CSMD1: variants seen among roughly 807,000 people sequenced by gnomAD.
The protein encoded by CSMD1 is CUB and Sushi multiple domains 1.
Under a neutral mutation model 417.5 loss-of-function variants are expected in CSMD1, and 213 were observed. The ratio of observed to expected loss-of-function variants is 0.51; its 90% CI spans 0.46 to 0.57. CSMD1 has a LOEUF of 0.57. Ranked by LOEUF, CSMD1 falls within the 20% of genes least tolerant of loss-of-function variation. CSMD1 has a pLI of 0.00. For synonymous variants in CSMD1, 2,862 were observed against 1,736.8 expected (o/e 1.65, Z -16.11); for missense variants, 6,923 against 4,529.7 (o/e 1.53, Z -15.17).
At chr8:3,429,489 T>C (rs1814073946) in intron 12 of CSMD1, among the ~76,000 whole-genome samples, 1 of 152,130 alleles carries the variant, frequency 6.6e-6, no homozygotes, top group African/African-American at 2.4e-5. Flanking sequence ...CCTTCATTCT[T>C]AAACGCCCCT....
intron 5 of CSMD1, among the ~76,000 whole-genome samples, chr8:3,939,084 C>A (rs1418697777): frequency 2.0e-5 from 3 of 152,000 alleles, no homozygotes; most frequent in South Asian, 2.1e-4. Flanking sequence ...AATAAATCTC[C>A]TAAGATGCAT....
At chr8:4,188,936 G>A (rs1031120642) in intron 3 of CSMD1, among the ~76,000 whole-genome samples, 1 of 152,128 alleles carries the variant, frequency 6.6e-6, no homozygotes, top group Non-Finnish European at 1.5e-5. Context: ...TCCCTCCATG[G>A]TTTACTCAGA....
At chr8:3,588,955 A>G (rs768184382) in intron 8 of CSMD1, among the ~76,000 whole-genome samples, 2 of 152,192 alleles carry the variant, frequency 1.3e-5, no homozygotes, top group Middle Eastern at 3.4e-3. Flanking sequence ...AGACATAAAA[A>G]CGACCAACAG....
intron 23 of CSMD1, among the ~76,000 whole-genome samples, chr8:3,334,506 G>T (rs1023842066): frequency 6.6e-6 from 1 of 152,038 alleles, no homozygotes; most frequent in Non-Finnish European, 1.5e-5. Flanking sequence ...ATTTAATGTT[G>T]ATGTCATTTT....
At chr8:3,092,684 G>C (rs1815023753) in intron 47 of CSMD1, among the ~76,000 whole-genome samples, 1 of 152,198 alleles carries the variant, frequency 6.6e-6, no homozygotes, top group Non-Finnish European at 1.5e-5. Flanking sequence ...GTATAGGTAA[G>C]AAAAGAAAGC....
At chr8:3,803,586 G>A (rs539669406) in intron 5 of CSMD1, among the ~76,000 whole-genome samples, 66 of 152,314 alleles carry the variant, frequency 4.3e-4, no homozygotes, top group South Asian at 2.5e-3. Flanking sequence ...GGTTCATGAA[G>A]GAGAACAAAG....
chr8:4,982,219 T>C (rs746935492), intron 1 of CSMD1, among the ~76,000 whole-genome samples: 3 of 152,194 alleles, frequency 2.0e-5, no homozygotes, highest in Non-Finnish European at 2.9e-5. Context: ...AGGTAATGCA[T>C]GTGTGCTGTT....
At chr8:3,006,621 T>A (rs1807928697) in intron 52 of CSMD1, among the ~76,000 whole-genome samples, 1 of 150,572 alleles carries the variant, frequency 6.6e-6, no homozygotes, top group Non-Finnish European at 1.5e-5. Flanking sequence ...TAATGCCGCA[T>A]ATCTACAACT....
intron 3 of CSMD1, among the ~76,000 whole-genome samples, chr8:4,322,802 C>G (rs1799343633): frequency 6.6e-6 from 1 of 152,152 alleles, no homozygotes; most frequent in Non-Finnish European, 1.5e-5. Flanking sequence ...CAAGACCAGC[C>G]TGGCCAACAT....
At chr8:4,230,914 G>A (rs940096929) in intron 3 of CSMD1, among the ~76,000 whole-genome samples, 1 of 152,010 alleles carries the variant, frequency 6.6e-6, no homozygotes, top group Admixed American at 6.6e-5. Context: ...TATATGCTGT[G>A]ATTTTTTAAT....
Position 3,501,846 on chromosome 8 carries a change from C to T in CSMD1, c.1345-8120G>A, listed in dbSNP as rs112301603. ...TTCACCTGAGGTTGTAAGGGCCAAT[C>T]ATAAAACAACTAAAAATGTAATTAA... On this transcript the variant is annotated intron_variant, in intron 10 of 69. Coordinates refer to ENST00000635120, the MANE Select transcript of CSMD1 (RefSeq NM_033225.6). Among the ~76,000 whole-genome samples, 520 of 152,260 alleles carry T rather than the reference C, an allele frequency of 3.4e-3. 4 individuals carry two copies. The highest frequency in any genetic ancestry group is 0.012 in the African/African-American group (499 of 41,554).
At chr8:3,618,472 T>C (rs1043205331) in intron 7 of CSMD1, among the ~76,000 whole-genome samples, 2 of 128,836 alleles carry the variant, frequency 1.6e-5, no homozygotes, top group Non-Finnish European at 3.1e-5. Flanking sequence ...TTAAAATAAG[T>C]TTTTTTTAAT....
intron 3 of CSMD1, among the ~76,000 whole-genome samples, chr8:4,142,507 G>C (rs916681444): frequency 1.3e-5 from 2 of 151,254 alleles, no homozygotes; most frequent in East Asian, 3.9e-4. Flanking sequence ...TGAAAAAGGA[G>C]CTGTTCTAGA....
intron 2 of CSMD1, among the ~76,000 whole-genome samples, chr8:4,553,439 A>ATTTAAGAAT (rs1797955879): frequency 7.2e-6 from 1 of 139,474 alleles, no homozygotes; most frequent in Non-Finnish European, 1.6e-5. Context: ...CTGAAAAAGA[A>ATTTAAGAAT]TTTTTTTTTT....
intron 3 of CSMD1, among the ~76,000 whole-genome samples, chr8:4,312,369 T>G (rs1798661545): frequency 8.8e-6 from 1 of 113,060 alleles, no homozygotes; most frequent in African/African-American, 4.2e-5. Flanking sequence ...TTACTTTTAA[T>G]GGAACAAATA....
At chr8:3,948,467 G>A (rs1450655606) in intron 5 of CSMD1, among the ~76,000 whole-genome samples, 1 of 152,018 alleles carries the variant, frequency 6.6e-6, no homozygotes, top group African/African-American at 2.4e-5. Flanking sequence ...CCCTTCTTTG[G>A]CAGGGAAATT....
At chr8:4,842,487 T>A (rs1461423080) in intron 1 of CSMD1, among the ~76,000 whole-genome samples, 2 of 152,216 alleles carry the variant, frequency 1.3e-5, no homozygotes, top group South Asian at 2.1e-4. Context: ...ATGCAATGGA[T>A]AGTTTCAGGA....
rs34522635 is a variant in CSMD1, at chr8:4,077,279, C to CTA, written c.416-45182_416-45181dup. On this transcript the variant is annotated intron_variant, in intron 3 of 69. Transcript: ENST00000635120. ...CCCACTGTAAAAGCCCATTTGTCAC[C>CTA]TATATATATATATATGTGTATATAT... Among the ~76,000 whole-genome samples the CTA allele has an allele frequency of 2.4e-3, 230 of 94,904 alleles. 1 individual carries two copies. Among genetic ancestry groups the CTA allele is most frequent in the Admixed American group, 4.9e-3 (47 of 9,590 alleles). 62.3% of individuals were successfully genotyped at this position (94,904 alleles called of 152,430 possible).
intron 56 of CSMD1, 132 bp downstream of exon 56, chr8:2,974,319 G>A: frequency 1.2e-6 from 1 of 823,736 alleles, no homozygotes; most frequent in Non-Finnish European, 1.8e-6. Context: ...GGCTAGAAAT[G>A]CAATACTAAT....
Sources: allele counts gnomAD v4.1 joint callset (sites outside exome capture counted in the v4.1 genomes callset), GRCh38; gene constraint gnomAD v4.1.1; transcripts MANE v1.5; gene names NCBI Gene and HGNC (gene_info 2026-07-23, HGNC 2026-07-21).